The following INTS12 variants were observed in gnomAD, a reference collection of about 807,000 sequenced individuals.
INTS12 encodes PHD finger protein 22.
A neutral mutation model predicts 41.6 loss-of-function variants in INTS12; 13 were observed. The observed-to-expected ratio is 0.31, with a 90% CI of 0.20 to 0.50. INTS12 has a LOEUF of 0.50. INTS12 is among the 20% of genes least tolerant of loss of function. The pLI is 0.98. For missense variants in INTS12, 432 were observed against 541.6 expected (o/e 0.80, Z 2.01); for synonymous variants, 199 against 191.4 (o/e 1.04, Z -0.33).
chr4:105,699,697 T>C (rs1050639655), intron 3 of INTS12, among the ~76,000 whole-genome samples, 153 bp downstream of exon 3: 46 of 152,138 alleles, frequency 3.0e-4, no homozygotes, highest in Admixed American at 3.0e-3. Context: ...CTCTGAAAAC[T>C]TGAAGGGAAA....
chr4:105,708,277 T>A, intron 1 of INTS12: 1 of 985,394 alleles, frequency 1.0e-6, no homozygotes, highest in South Asian at 4.7e-5. Flanking sequence ...CACATCGAAG[T>A]CCTAGAATGG....
chr4:105,702,085 G>A (rs1732094298), intron 2 of INTS12, among the ~76,000 whole-genome samples: 1 of 151,108 alleles, frequency 6.6e-6, no homozygotes, highest in Non-Finnish European at 1.5e-5. Context: ...TCCCCATGGT[G>A]GAATACAGAG....
chr4:105,705,935 T>G (rs1030234997), intron 1 of INTS12: 1 of 152,236 alleles, frequency 6.6e-6, no homozygotes, highest in African/African-American at 2.4e-5. Context: ...TTGTAACCCC[T>G]GTCTGGCAGA....
At position 105,682,958 on chromosome 4, in the gene INTS12, A is replaced by G; in HGVS notation, c.1164T>C (p.Pro388=). 6.2e-7 allele frequency: 1 copy of G among 1,614,156 alleles called. No homozygotes were observed. Among genetic ancestry groups the G allele is most frequent in the Non-Finnish European group, 8.5e-7 (1 of 1,179,978 alleles). ...TTCCTGGAACTAAACTACTTGGACT[A>G]GGAAGACCTACTTTGCTGACATTGT... ...SCDNVSKVGL[P]SPSSLVPGSS... The change falls in exon 8 of 8, where the codon CCT becomes CCC. Residue 388 remains proline (P), a synonymous_variant. Transcript: ENST00000340139.
chr4:105,685,274 T>C (rs901848423), intron 7 of INTS12, among the ~76,000 whole-genome samples: 1 of 152,062 alleles, frequency 6.6e-6, no homozygotes, highest in Admixed American at 6.5e-5. Flanking sequence ...CTTTAATTTG[T>C]TTGCCATAAA....
In INTS12 at chr4:105,683,267, T is replaced by C. The variant is rs570083843; in HGVS notation, c.855A>G (p.Ser285=). ...GNSSSASVSS[S]VTSGLTGWAA... The stretch of plus-strand genomic sequence containing the variant: ...CCCATCCAGTTAAGCCACTAGTTAC[T>C]GACGAGGAAACGCTGGCACTAGAAG... The change falls in exon 8 of 8, where the codon TCA becomes TCG. Residue 285 remains serine (S), a synonymous_variant. Transcript: ENST00000340139. The C allele has an allele frequency of 6.8e-6, 11 of 1,613,828 alleles. No individual in the cohort carries two copies. The highest frequency in any genetic ancestry group is 1.3e-5 in the African/African-American group (1 of 75,014).
At chr4:105,685,725 G>A (rs907471694) in intron 7 of INTS12, among the ~76,000 whole-genome samples, 2 of 151,620 alleles carry the variant, frequency 1.3e-5, no homozygotes, top group Non-Finnish European at 2.9e-5. Context: ...GTGTACCTCA[G>A]TAAAAGTATT....
intron 6 of INTS12, among the ~76,000 whole-genome samples, chr4:105,691,509 G>T (rs1262973598): frequency 3.3e-5 from 5 of 152,196 alleles, no homozygotes; most frequent in Admixed American, 1.3e-4. Context: ...CTAAGCAACA[G>T]AGAAATGCAG....
At chr4:105,693,072 C>T (rs1023341539) in intron 5 of INTS12, among the ~76,000 whole-genome samples, 31 of 152,230 alleles carry the variant, frequency 2.0e-4, no homozygotes, top group Middle Eastern at 3.4e-3. Context: ...AATGTTACAA[C>T]ATAACAGATT....
chr4:105,701,685 C>T (rs1464693121), intron 2 of INTS12, among the ~76,000 whole-genome samples: 4 of 152,000 alleles, frequency 2.6e-5, no homozygotes, highest in African/African-American at 9.7e-5. Context: ...AATCTTTCTA[C>T]TGATTTTATT....
chr4:105,691,981 T>C lies in INTS12; in HGVS notation c.652A>G (p.Arg218Gly). 1 of 1,533,806 alleles carries C rather than the reference T, an allele frequency of 6.5e-7. No individual in the cohort carries two copies. The highest frequency in any genetic ancestry group is 8.8e-7 in the Non-Finnish European group (1 of 1,140,358). Reference sequence around the variant, plus strand: ...AAGAAAAATATGATTCCTACCATTCTTTTCATTTGTCTGGTACATCGGGCA... The same window carrying C: ...AAGAAAAATATGATTCCTACCATTCCTTTCATTTGTCTGGTACATCGGGCA... ...YCARCTRQMK[R>G]MAQKTQKPPQ... is the part of the protein sequence containing the mutation. The change falls in exon 6 of 8, where the codon AGA (arginine) becomes GGA (glycine). Residue 218 changes from arginine (R) to glycine (G), a missense_variant. This residue lies in a region of INTS12 where 258 missense variants were observed against 309.9 expected (regional missense o/e 0.83). Transcript: ENST00000340139.
At chr4:105,705,958 C>G (rs1040647604) in intron 1 of INTS12, 3 of 152,194 alleles carry the variant, frequency 2.0e-5, no homozygotes, top group African/African-American at 7.2e-5. Flanking sequence ...TCCTGGAAAA[C>G]AGCAAATAAC....
At chr4:105,700,809 T>A (rs1732045052) in intron 2 of INTS12, among the ~76,000 whole-genome samples, 1 of 151,384 alleles carries the variant, frequency 6.6e-6, no homozygotes, top group South Asian at 2.1e-4. Context: ...AAGATATACA[T>A]CAAAGGCTTA....
intron 7 of INTS12, among the ~76,000 whole-genome samples, chr4:105,684,178 G>A (rs920700292): frequency 1.3e-5 from 2 of 152,018 alleles, no homozygotes; most frequent in African/African-American, 4.8e-5. Flanking sequence ...GCTCACAATG[G>A]TACCAATGCC....
At chr4:105,705,755 T>G (rs1476210665) in intron 1 of INTS12, 1 of 152,260 alleles carries the variant, frequency 6.6e-6, no homozygotes, top group Non-Finnish European at 1.5e-5. Context: ...AAGTTTCAGT[T>G]TTTCCTGCAC....
chr4:105,697,121 C>A (rs1731894047), intron 3 of INTS12, among the ~76,000 whole-genome samples: 1 of 152,146 alleles, frequency 6.6e-6, no homozygotes. Context: ...ATATGATTTG[C>A]AAATATTTTC....
intron 1 of INTS12, among the ~76,000 whole-genome samples, chr4:105,707,643 C>T (rs1347210560): frequency 1.3e-5 from 2 of 152,150 alleles, no homozygotes; most frequent in Non-Finnish European, 2.9e-5. Flanking sequence ...TACAATGTTC[C>T]TATCTGTAAA....
intron 1 of INTS12, among the ~76,000 whole-genome samples, chr4:105,705,057 G>A (rs188330323): frequency 5.1e-4 from 77 of 152,212 alleles, no homozygotes; most frequent in Admixed American, 1.0e-3. Flanking sequence ...TTCTTAACAA[G>A]GTCTCCAATT....
At position 105,683,193 on chromosome 4, in the gene INTS12, A is replaced by C. The variant is rs201573430; in HGVS notation, c.929T>G (p.Leu310Trp). 1 of 1,614,112 alleles carries C rather than the reference A, an allele frequency of 6.2e-7. No homozygotes were observed. Among genetic ancestry groups the C allele is most frequent in the Non-Finnish European group, 8.5e-7 (1 of 1,179,970 alleles). The change falls in exon 8 of 8, where the codon TTG becomes TGG. Residue 310 changes from leucine to tryptophan, a missense_variant. This residue lies in a region of INTS12 where 258 missense variants were observed against 309.9 expected (regional missense o/e 0.83). Coordinates refer to ENST00000340139, the MANE Select transcript of INTS12 (RefSeq NM_020395.4). ...TSSAGPSTAK[L>W]SSTTQNNTGK... ...AGTATTGTTTTGTGTTGTTGAACTC[A>C]ATTTTGCTGTTGAAGGACCAGCAGA...
Sources: allele counts gnomAD v4.1 joint callset (sites outside exome capture counted in the v4.1 genomes callset), GRCh38; gene constraint gnomAD v4.1.1; regional missense constraint gnomAD v4.1.1; transcripts MANE v1.5; gene names NCBI Gene and HGNC (gene_info 2026-07-23, HGNC 2026-07-21).